The following SERPINA11 variants were observed in gnomAD, a reference collection of about 807,000 sequenced individuals.
SERPINA11 encodes serpin A11.
A neutral mutation model predicts 29.4 loss-of-function variants in SERPINA11; 28 were observed. The observed-to-expected ratio is 0.95, with a 90% CI of 0.70 to 1.30. The LOEUF (loss-of-function observed/expected upper bound fraction) is 1.30, where lower values mean the gene tolerates loss of function less well. Ranked by LOEUF, SERPINA11 falls within the 50% of genes most tolerant of loss-of-function variation. The pLI is 0.00. For synonymous variants in SERPINA11, 253 were observed against 206.6 expected (o/e 1.22, Z -1.92); for missense variants, 530 against 507.3 (o/e 1.04, Z -0.43).
chr14:94,448,679 C>T lies in SERPINA11; in HGVS notation c.96G>A (p.Gly32=), dbSNP rs112586511. The T allele has an allele frequency of 2.9e-5, 45 of 1,560,120 alleles. 2 individuals carry two copies. Among genetic ancestry groups the T allele is most frequent in the African/African-American group, 2.6e-4 (19 of 73,106 alleles). ...AGAGCTGATGCCTGGGGGGTTGAGG[C>T]CCCTGCAGACTTTTATCTCCATGGG... The part of the protein sequence containing the change: ...LLAHGDKSLQ[G]PQPPRHQLSE... The change falls in exon 2 of 5, where the codon GGG becomes GGA. Residue 32 remains glycine (G), a synonymous_variant. Coordinates refer to ENST00000334708, the MANE Select transcript of SERPINA11 (RefSeq NM_001080451.2).
rs146607986 is a variant in SERPINA11 at position 94,442,710 on chromosome 14, C to G, written c.1165G>C (p.Asp389His). Residue 389 changes from aspartate (D) to histidine (H), a missense_variant, in exon 5 of 5, where the codon GAC (aspartate) becomes CAC (histidine). Transcript: ENST00000334708. The stretch of plus-strand genomic sequence containing the variant: ...GGCCTGTTGAAGTGGGCATGTGGGT[C>G]TGACATGGTGTTCAGAGATGGGGGC... ...SQPPSLNTMS[D>H]PHAHFNRPFL... is the part of the protein sequence containing the mutation. 2 of 1,613,720 alleles carry G rather than the reference C, an allele frequency of 1.2e-6. No individual in the cohort carries two copies. Among genetic ancestry groups the G allele is most frequent in the African/African-American group, 2.7e-5 (2 of 75,034 alleles).
At chr14:94,448,874 A>T in intron 1 of SERPINA11, 97 bp from the exon 2 acceptor site, 6 of 1,184,804 alleles carry the variant, frequency 5.1e-6, no homozygotes, top group Non-Finnish European at 6.9e-6. Context: ...AATGTGCCCC[A>T]CAGGGCTGCC....
At chr14:94,442,850 G>A (rs1898369695) in intron 4 of SERPINA11, 41 bp from the exon 5 acceptor site, 1 of 1,504,338 alleles carries the variant, frequency 6.6e-7, no homozygotes, top group Non-Finnish European at 9.0e-7. Context: ...CAGTTTGGGG[G>A]CCTTCAAGGG....
chr14:94,451,727 G>A (rs1898589846), intron 1 of SERPINA11, among the ~76,000 whole-genome samples: 1 of 152,208 alleles, frequency 6.6e-6, no homozygotes, highest in Non-Finnish European at 1.5e-5. Flanking sequence ...TTTGCAAAAT[G>A]CAAATGATAT....
intron 1 of SERPINA11, among the ~76,000 whole-genome samples, chr14:94,452,112 C>T (rs1018613720): frequency 3.3e-5 from 5 of 152,094 alleles, no homozygotes; most frequent in African/African-American, 9.7e-5. Flanking sequence ...GCTGGGCTCC[C>T]GAAAGCTCTT....
Position 94,446,590 on chromosome 14 carries a change from G to A in SERPINA11, c.658C>T (p.Pro220Ser), listed in dbSNP as rs750223613. 4.3e-6 allele frequency: 7 copies of A among 1,613,572 alleles called. No homozygotes were observed. Among genetic ancestry groups the A allele is most frequent in the Non-Finnish European group, 5.9e-6 (7 of 1,179,844 alleles). Residue 220 changes from proline (P) to serine (S), a missense_variant, in exon 3 of 5, where the codon CCT (proline) becomes TCT (serine). Transcript: ENST00000334708. ...YIFFKAKWKH[P>S]FSRYQTQKQE... ...TTCTGGGTCTGGTAGCGACTGAAAGGGTGCTTCCACTTGGCTTAGGACACA... is the reference window on the plus strand; with the variant it reads ...TTCTGGGTCTGGTAGCGACTGAAAGAGTGCTTCCACTTGGCTTAGGACACA...
chr14:94,442,864 G>C, intron 4 of SERPINA11, 55 bp from the exon 5 acceptor site: 1 of 1,429,488 alleles, frequency 7.0e-7, no homozygotes. Context: ...TCAAGGGGAA[G>C]ACACTGTATT....
chr14:94,450,079 C>T lies in SERPINA11; in HGVS notation c.-3-1302G>A, dbSNP rs76867168. 2.1e-3 allele frequency among the ~76,000 whole-genome samples: 324 copies of T among 152,010 alleles called. 1 individual carries two copies. The highest frequency in any genetic ancestry group is 0.01 in the Middle Eastern group (3 of 294). On this transcript the variant is annotated intron_variant, in intron 1 of 4. Coordinates refer to ENST00000334708, the MANE Select transcript of SERPINA11 (RefSeq NM_001080451.2). ...GCAGGACTGATGGAGCCTAGAGGAGCGATGAGAGAGAGCAACTCTGTCTCC... is the reference window on the plus strand; with the variant it reads ...GCAGGACTGATGGAGCCTAGAGGAGTGATGAGAGAGAGCAACTCTGTCTCC...
intron 1 of SERPINA11, among the ~76,000 whole-genome samples, chr14:94,451,443 G>A (rs114401538): frequency 0.014 from 2,180 of 152,256 alleles, 51 homozygotes; most frequent in African/African-American, 0.05. Flanking sequence ...TCTTTTGATC[G>A]AAAATTTGGA....
chr14:94,445,721 AACATG>A (rs1898422655), intron 3 of SERPINA11, among the ~76,000 whole-genome samples: 2 of 150,440 alleles, frequency 1.3e-5, no homozygotes, highest in African/African-American at 2.4e-5. Flanking sequence ...GGCATGCATC[AACATG>A]TCCAGCTATA....
At chr14:94,449,450 TTTCTTTCTTTCTTTCTTTCTTTC>T (rs1413555609) in intron 1 of SERPINA11, among the ~76,000 whole-genome samples, 3 of 114,768 alleles carry the variant, frequency 2.6e-5, no homozygotes, top group Non-Finnish European at 4.9e-5. Flanking sequence ...TCTTTCTTTC[TTTCTTTCTTTCTTTCTTTCTTTC>T]TTTCTTTCTG....
intron 1 of SERPINA11, among the ~76,000 whole-genome samples, chr14:94,451,001 CA>C (rs1466097802): frequency 6.6e-6 from 1 of 152,142 alleles, no homozygotes; most frequent in African/African-American, 2.4e-5. Flanking sequence ...CCTTCAAATC[CA>C]ACTCTTCCAC....
chr14:94,444,342 G>T (rs1898397776), intron 3 of SERPINA11, among the ~76,000 whole-genome samples: 1 of 152,092 alleles, frequency 6.6e-6, no homozygotes. Context: ...AGAGTCTGAA[G>T]TTCTTATATC....
In SERPINA11 at chr14:94,446,545, C is replaced by T. The variant is rs1349784373; in HGVS notation, c.703G>A (p.Asp235Asn). 3 of 1,614,152 alleles carry T rather than the reference C, an allele frequency of 1.9e-6. No homozygotes were observed. The change falls in exon 3 of 5, where the codon GAT becomes AAT. Residue 235 changes from aspartate to asparagine, a missense_variant. By Grantham distance (23) the Asp-to-Asn change is conservative (BLOSUM62 1). Coordinates refer to ENST00000334708, the MANE Select transcript of SERPINA11 (RefSeq NM_001080451.2). ...GGGACCTGGAGAGAAGTCCTCTCAT[C>T]CACAAAGAAACTTTCCTGCTTCTGG... ...QTQKQESFFV[D>N]ERTSLQVPMM...
intron 1 of SERPINA11, among the ~76,000 whole-genome samples, chr14:94,451,959 G>T (rs1898594578): frequency 6.6e-6 from 1 of 152,174 alleles, no homozygotes; most frequent in Admixed American, 6.5e-5. Flanking sequence ...AAGGGTTTAT[G>T]AAGTGATAGG....
chr14:94,446,440 C>T lies in SERPINA11; in HGVS notation c.808G>A (p.Gly270Arg). The change falls in exon 3 of 5, where the codon GGA becomes AGA. Residue 270 changes from glycine (G) to arginine (R), a missense_variant. Gly to Arg is a moderately radical substitution (Grantham distance 125). Coordinates refer to ENST00000334708, the MANE Select transcript of SERPINA11 (RefSeq NM_001080451.2). ...ACTVLQIEYR[G>R]NALALLVLPD... is the part of the protein sequence containing the mutation. The stretch of plus-strand genomic sequence containing the variant: ...AGGACCAGCAGCGCCAAGGCATTTC[C>T]TCTGTATTCTATCTGGAGGACGGTG... 1.2e-6 allele frequency: 2 copies of T among 1,614,194 alleles called. No homozygotes were observed. Among genetic ancestry groups the T allele is most frequent in the Non-Finnish European group, 1.7e-6 (2 of 1,180,018 alleles).
intron 1 of SERPINA11, among the ~76,000 whole-genome samples, chr14:94,451,363 A>T (rs1284652521): frequency 6.6e-6 from 1 of 152,168 alleles, no homozygotes; most frequent in Non-Finnish European, 1.5e-5. Flanking sequence ...GTGTGGGTTC[A>T]CTTAATGACA....
rs138841070 is a variant in SERPINA11, at chr14:94,446,477, C to T, written c.771G>A (p.Gln257=). 1 of 1,614,064 alleles carries T rather than the reference C, an allele frequency of 6.2e-7. No individual in the cohort carries two copies. Among genetic ancestry groups the T allele is most frequent in the African/African-American group, 1.3e-5 (1 of 74,922 alleles). ...TCTGGAGGACGGTGCAAGCCAAATC[C>T]TGGTCATAGAGGAATCTGTGCATTT... ...QKEMHRFLYD[Q]DLACTVLQIE... The change falls in exon 3 of 5, where the codon CAG becomes CAA. Residue 257 remains glutamine, a synonymous_variant. Coordinates refer to ENST00000334708, the MANE Select transcript of SERPINA11 (RefSeq NM_001080451.2).
intron 2 of SERPINA11, 100 bp downstream of exon 2, chr14:94,448,032 T>C (rs1898479093): frequency 8.6e-7 from 1 of 1,165,032 alleles, no homozygotes; most frequent in South Asian, 1.5e-5. Context: ...ATTCATAGAT[T>C]TCCCCAAGTG....
Sources: allele counts gnomAD v4.1 joint callset (sites outside exome capture counted in the v4.1 genomes callset), GRCh38; gene constraint gnomAD v4.1.1; transcripts MANE v1.5; gene names NCBI Gene and HGNC (gene_info 2026-07-23, HGNC 2026-07-21).